The following ZDHHC15 variants were observed in gnomAD, a reference collection of about 807,000 sequenced individuals.
ZDHHC15 encodes palmitoyltransferase ZDHHC15.
A neutral mutation model predicts 31.7 loss-of-function variants in ZDHHC15; 19 were observed. That is an observed-to-expected ratio of 0.60 (90% CI 0.42 to 0.88). The LOEUF (loss-of-function observed/expected upper bound fraction) is 0.88. Among genes scored for constraint, ZDHHC15 ranks in the 40% least tolerant of loss-of-function variants. The pLI is 0.00. For synonymous variants in ZDHHC15, 103 were observed against 90.0 expected (o/e 1.14, Z -0.82); for missense variants, 209 against 251.2 (o/e 0.83, Z 1.14).
intron 3 of ZDHHC15, among the ~76,000 whole-genome samples, chrX:75,452,383 C>T (rs1053526046): frequency 9.0e-6 from 1 of 111,131 alleles, no homozygotes; most frequent in Non-Finnish European, 1.9e-5. Context: ...CACCCAGATT[C>T]ATAAAACAAG....
At chrX:75,485,554 C>A (rs768704370) in intron 2 of ZDHHC15, among the ~76,000 whole-genome samples, 1 of 110,738 alleles carries the variant, frequency 9.0e-6, no homozygotes, top group East Asian at 2.8e-4. Context: ...TAACCTGATA[C>A]AAGTGGAGAC....
intron 10 of ZDHHC15, among the ~76,000 whole-genome samples, chrX:75,408,882 T>C (rs772575163): frequency 3.6e-5 from 4 of 112,062 alleles, no homozygotes; most frequent in Non-Finnish European, 7.5e-5. Context: ...TAGGAATTAA[T>C]TTAAGAAGTG....
At chrX:75,451,690 C>A (rs1234522259) in intron 3 of ZDHHC15, among the ~76,000 whole-genome samples, 1 of 111,965 alleles carries the variant, frequency 8.9e-6, no homozygotes, top group African/African-American at 3.2e-5. Flanking sequence ...ACATTCTCAA[C>A]CTGTTTCTTC....
chrX:75,399,456 C>T (rs2083332746), intron 10 of ZDHHC15, among the ~76,000 whole-genome samples: 1 of 112,177 alleles, frequency 8.9e-6, no homozygotes, highest in African/African-American at 3.2e-5. Flanking sequence ...TGGCTCATCA[C>T]CAGACAGGGA....
intron 7 of ZDHHC15, among the ~76,000 whole-genome samples, chrX:75,428,617 T>C (rs1281417549): frequency 8.9e-6 from 1 of 111,788 alleles, no homozygotes; most frequent in Non-Finnish European, 1.9e-5. Context: ...TCAGTATATC[T>C]TTCTGTCTCA....
At chrX:75,422,101 A>G (rs1602599117) in intron 8 of ZDHHC15, 111 bp from the exon 9 acceptor site, 7 of 972,280 alleles carry the variant, frequency 7.2e-6, no homozygotes, top group Admixed American at 3.7e-5. Context: ...GTTCTATTAT[A>G]TCTTTTTGCT....
intron 3 of ZDHHC15, among the ~76,000 whole-genome samples, chrX:75,451,242 C>T (rs1258979421): frequency 8.9e-6 from 1 of 111,832 alleles, no homozygotes; most frequent in Non-Finnish European, 1.9e-5. Flanking sequence ...CAAGACTTGT[C>T]CCTTTCCATT....
At chrX:75,492,188 C>T (rs761214527) in intron 2 of ZDHHC15, among the ~76,000 whole-genome samples, 4 of 111,406 alleles carry the variant, frequency 3.6e-5, no homozygotes, top group Non-Finnish European at 7.5e-5. Flanking sequence ...CAAAGAAGGA[C>T]ATTAGATAAT....
intron 4 of ZDHHC15, among the ~76,000 whole-genome samples, chrX:75,443,000 A>G (rs1335608313): frequency 3.6e-5 from 4 of 109,618 alleles, no homozygotes; most frequent in East Asian, 2.9e-4. Flanking sequence ...AAAAAAAAAA[A>G]AAAGAAAAAA....
chrX:75,390,514 T>A (rs1419494915), intron 10 of ZDHHC15, among the ~76,000 whole-genome samples: 2 of 111,584 alleles, frequency 1.8e-5, no homozygotes, highest in Non-Finnish European at 3.8e-5. Flanking sequence ...AGAAAGAGAC[T>A]TTGTTTGTTT....
chrX:75,440,110 G>A (rs1241036049), intron 4 of ZDHHC15, among the ~76,000 whole-genome samples: 1 of 111,555 alleles, frequency 9.0e-6, no homozygotes, highest in African/African-American at 3.3e-5. Context: ...ATCCTTGACT[G>A]TAGATTTTTT....
At chrX:75,375,995 G>A (rs2083055214) in intron 11 of ZDHHC15, among the ~76,000 whole-genome samples, 1 of 111,881 alleles carries the variant, frequency 8.9e-6, no homozygotes, top group South Asian at 3.7e-4. Flanking sequence ...GCTTTCCACG[G>A]TGGATGGACT....
intron 7 of ZDHHC15, among the ~76,000 whole-genome samples, chrX:75,427,974 T>G (rs937263621): frequency 8.9e-6 from 1 of 111,882 alleles, no homozygotes; most frequent in South Asian, 3.7e-4. Context: ...TTAAATATTC[T>G]TGGCTATTTA....
At chrX:75,501,481 A>T (rs1217330080) in intron 2 of ZDHHC15, 1 of 111,340 alleles carries the variant, frequency 9.0e-6, no homozygotes, top group Non-Finnish European at 1.9e-5. Flanking sequence ...CAGTAATGGG[A>T]TTGCTGGGTC....
At chrX:75,463,045 A>G (rs1286407322) in intron 3 of ZDHHC15, among the ~76,000 whole-genome samples, 1 of 111,590 alleles carries the variant, frequency 9.0e-6, no homozygotes, top group East Asian at 2.8e-4. Context: ...GAAAGAGAGA[A>G]GAATCAAATA....
chrX:75,494,962 A>T (rs1281504624), intron 2 of ZDHHC15, among the ~76,000 whole-genome samples: 1 of 112,236 alleles, frequency 8.9e-6, no homozygotes, highest in Non-Finnish European at 1.9e-5. Context: ...GATCTTCTGC[A>T]CAGCAAAAGA....
chrX:75,487,189 G>A (rs1473851618), intron 2 of ZDHHC15, among the ~76,000 whole-genome samples: 4 of 111,854 alleles, frequency 3.6e-5, no homozygotes, highest in African/African-American at 1.3e-4. Flanking sequence ...GTCTGTCCCT[G>A]TGACAACTTC....
At chrX:75,454,679 G>A (rs1026692125) in intron 3 of ZDHHC15, among the ~76,000 whole-genome samples, 15 of 111,541 alleles carry the variant, frequency 1.3e-4, no homozygotes, top group East Asian at 5.6e-4. Flanking sequence ...ACAAGTTAAC[G>A]GGTGGAGCAC....
intron 2 of ZDHHC15, among the ~76,000 whole-genome samples, chrX:75,500,908 C>A (rs941830649): frequency 9.1e-6 from 1 of 109,941 alleles, no homozygotes; most frequent in Non-Finnish European, 1.9e-5. Context: ...AATGTATTAC[C>A]AATAAATTAA....
Sources: allele counts gnomAD v4.1 joint callset (sites outside exome capture counted in the v4.1 genomes callset), GRCh38; gene constraint gnomAD v4.1.1; transcripts MANE v1.5; gene names NCBI Gene and HGNC (gene_info 2026-07-23, HGNC 2026-07-21).